The following RFX4 variants were observed in gnomAD, a reference collection of about 807,000 sequenced individuals.
The protein encoded by RFX4 is regulatory factor X4.
Under a neutral mutation model 95.0 loss-of-function variants are expected in RFX4, and 10 were observed. That is an observed-to-expected ratio of 0.11 (90% CI 0.06 to 0.18). The LOEUF (loss-of-function observed/expected upper bound fraction) is 0.18, where lower values mean the gene tolerates loss of function less well. Among genes scored for constraint, RFX4 ranks in the 10% least tolerant of loss-of-function variants. RFX4 has a pLI of 1.00. For synonymous variants in RFX4, 321 were observed against 340.7 expected, an observed-to-expected ratio of 0.94 and a Z score of 0.64; for missense variants, 640 against 922.0, an observed-to-expected ratio of 0.69 and a Z score of 3.96.
chr12:106,663,990 A>T (rs1197747863), intron 4 of RFX4, among the ~76,000 whole-genome samples: 7 of 151,768 alleles, frequency 4.6e-5, no homozygotes, highest in Admixed American at 4.6e-4. Flanking sequence ...GAATTTTTGC[A>T]TCTATGTTTA....
At chr12:106,661,487 C>G (rs2041072511) in intron 4 of RFX4, among the ~76,000 whole-genome samples, 1 of 152,230 alleles carries the variant, frequency 6.6e-6, no homozygotes, top group African/African-American at 2.4e-5. Context: ...CCCCCATTAA[C>G]AACATCCCTC....
intron 4 of RFX4, 152 bp from the exon 5 acceptor site, chr12:106,681,841 T>C (rs960464032): frequency 1.4e-6 from 1 of 712,552 alleles, no homozygotes; most frequent in South Asian, 1.7e-5. Context: ...CTGACACCAG[T>C]AGTCTTCTCC....
intron 1 of RFX4, among the ~76,000 whole-genome samples, chr12:106,589,526 G>A (rs2039508897): frequency 6.6e-6 from 1 of 152,124 alleles, no homozygotes. Flanking sequence ...TCACAACTCT[G>A]CATAGTCTCT....
At chr12:106,609,281 T>C (rs775763754) in intron 2 of RFX4, among the ~76,000 whole-genome samples, 3 of 152,228 alleles carry the variant, frequency 2.0e-5, no homozygotes, top group Non-Finnish European at 4.4e-5. Context: ...GCCATAAATG[T>C]CCTTGATATC....
chr12:106,711,618 T>C (rs1204274488), intron 10 of RFX4, 107 bp downstream of exon 10: 1 of 852,240 alleles, frequency 1.2e-6, no homozygotes, highest in African/African-American at 1.7e-5. Context: ...AACAGGGCAC[T>C]CTCTCTATTA....
At chr12:106,600,790 A>C (rs1212150568) in intron 1 of RFX4, among the ~76,000 whole-genome samples, 1 of 151,970 alleles carries the variant, frequency 6.6e-6, no homozygotes, top group Non-Finnish European at 1.5e-5. Context: ...CACACACCCA[A>C]GCCCACCCAG....
chr12:106,636,994 C>T (rs1279373369), intron 2 of RFX4, among the ~76,000 whole-genome samples: 1 of 152,188 alleles, frequency 6.6e-6, no homozygotes, highest in African/African-American at 2.4e-5. Context: ...GAATCTCTCA[C>T]TCCTTCAATT....
intron 16 of RFX4, among the ~76,000 whole-genome samples, chr12:106,750,204 C>T (rs1172049078): frequency 6.6e-6 from 1 of 152,106 alleles, no homozygotes; most frequent in Non-Finnish European, 1.5e-5. Context: ...AGGCCGGACA[C>T]GGTAGCTCAT....
intron 13 of RFX4, among the ~76,000 whole-genome samples, chr12:106,721,083 G>A (rs1016602924): frequency 3.3e-5 from 5 of 152,084 alleles, no homozygotes; most frequent in African/African-American, 1.2e-4. Context: ...GAAAATGAGT[G>A]GTTTTGCCCA....
At position 106,604,319 on chromosome 12, in the gene RFX4, G is replaced by A. The variant is rs975807781; in HGVS notation, c.44-4478G>A. 6.6e-5 allele frequency among the ~76,000 whole-genome samples: 10 copies of A among 151,406 alleles called. No individual in the cohort carries two copies. The East Asian group carries it at 1.6e-3, about 24-fold the overall frequency. On this transcript the variant is annotated intron_variant, in intron 1 of 17. Coordinates refer to ENST00000392842, the MANE Select transcript of RFX4 (RefSeq NM_213594.3). ...GTATTTTTAGTAGAGACGGGGTTTC[G>A]CCATGTTGGCCAGGCTGGTCTTGAA...
intron 4 of RFX4, among the ~76,000 whole-genome samples, chr12:106,666,131 A>G (rs931717061): frequency 3.2e-4 from 48 of 151,922 alleles, no homozygotes; most frequent in African/African-American, 1.2e-3. Flanking sequence ...TTCAGTTTTG[A>G]AGGATAATTT....
At chr12:106,613,194 A>T (rs529072196) in intron 2 of RFX4, among the ~76,000 whole-genome samples, 190 of 147,778 alleles carry the variant, frequency 1.3e-3, no homozygotes, top group Non-Finnish European at 6.2e-4. Context: ...CCTTCCTTGA[A>T]TGCAAGGATG....
At chr12:106,655,193 C>T (rs1228474327) in intron 4 of RFX4, among the ~76,000 whole-genome samples, 1 of 152,120 alleles carries the variant, frequency 6.6e-6, no homozygotes, top group Non-Finnish European at 1.5e-5. Flanking sequence ...AGACAAAGAG[C>T]CGTGTTAGGG....
intron 15 of RFX4, among the ~76,000 whole-genome samples, chr12:106,740,663 C>T (rs955350653): frequency 5.3e-5 from 8 of 152,044 alleles, no homozygotes; most frequent in African/African-American, 9.7e-5. Context: ...AGTCACTTCC[C>T]GCATGGTACT....
chr12:106,715,660 C>T (rs2042273953), intron 11 of RFX4, 116 bp downstream of exon 11: 1 of 1,060,244 alleles, frequency 9.4e-7, no homozygotes. Context: ...TCTCTTCCTC[C>T]TTATTGTTCC....
chr12:106,656,149 C>G (rs2040953841), intron 4 of RFX4, among the ~76,000 whole-genome samples: 1 of 152,178 alleles, frequency 6.6e-6, no homozygotes, highest in African/African-American at 2.4e-5. Context: ...CAAGCCTGCC[C>G]CAAGACTTCA....
At chr12:106,731,628 T>A (rs1354873096) in intron 13 of RFX4, among the ~76,000 whole-genome samples, 2 of 152,216 alleles carry the variant, frequency 1.3e-5, no homozygotes, top group East Asian at 1.9e-4. Flanking sequence ...CAGATTTAAA[T>A]TTTCAAATTG....
chr12:106,596,186 T>C (rs552384206), intron 1 of RFX4, among the ~76,000 whole-genome samples: 1 of 152,328 alleles, frequency 6.6e-6, no homozygotes, highest in South Asian at 2.1e-4. Flanking sequence ...GGGAGGCACC[T>C]GGTGGGAGAT....
intron 2 of RFX4, among the ~76,000 whole-genome samples, chr12:106,624,302 T>C (rs776343411): frequency 5.9e-5 from 9 of 152,198 alleles, no homozygotes; most frequent in Non-Finnish European, 1.0e-4. Context: ...CATGATCTAA[T>C]AATTTTTTCA....
Sources: allele counts gnomAD v4.1 joint callset (sites outside exome capture counted in the v4.1 genomes callset), GRCh38; gene constraint gnomAD v4.1.1; transcripts MANE v1.5; gene names NCBI Gene and HGNC (gene_info 2026-07-23, HGNC 2026-07-21).